Variants in SOX10 observed in about 807,000 individuals in gnomAD.
SOX10 encodes the protein transcription factor SOX-10.
A neutral mutation model predicts 35.0 loss-of-function variants in SOX10; 3 were observed. The observed-to-expected ratio is 0.09, with a 90% confidence interval of 0.04 to 0.22. SOX10 has a LOEUF of 0.22. Among genes scored for constraint, SOX10 ranks in the 10% least tolerant of loss-of-function variants. The pLI, the probability that SOX10 is intolerant of heterozygous loss-of-function variation, is 1.00. For missense variants in SOX10, 436 were observed against 655.1 expected, an observed-to-expected ratio of 0.67 and a Z score of 3.65; for synonymous variants, 285 against 291.0, an observed-to-expected ratio of 0.98 and a Z score of 0.21.
At chr22:37,975,397 G>T (rs1013103159) in intron 3 of SOX10, among the ~76,000 whole-genome samples, 4 of 152,192 alleles carry the variant, frequency 2.6e-5, no homozygotes, top group African/African-American at 7.2e-5. Context: ...GTGGGGTGGG[G>T]CCTTGAAGGG....
rs1032304514 is a variant in SOX10 at position 37,972,414 on chromosome 22, G to A, written c.*1081C>T. The A allele has an allele frequency of 2.4e-4, 91 of 380,960 alleles. No homozygotes were observed. The highest frequency in any genetic ancestry group is 1.9e-3 in the African/African-American group (88 of 47,296). The allele number at this position is 380,960 out of a possible 1,614,324, so 23.6% of individuals were successfully genotyped here. ...CTACTGAGATAAATAACAGGAGACA[G>A]TAATGAGTTACATGTGGATTTGGGG... is the stretch of plus-strand genomic sequence containing the variant. On this transcript the variant is annotated 3_prime_UTR_variant, in exon 4 of 4. Coordinates refer to ENST00000396884, the MANE Select transcript of SOX10 (RefSeq NM_006941.4).
chr22:37,979,991 C>G (rs1932346145), intron 2 of SOX10, among the ~76,000 whole-genome samples: 1 of 152,082 alleles, frequency 6.6e-6, no homozygotes, highest in African/African-American at 2.4e-5. Context: ...GTGGTCATGC[C>G]AGGCACCTCC....
chr22:37,977,510 T>C (rs1319048431), intron 3 of SOX10, among the ~76,000 whole-genome samples: 3 of 152,062 alleles, frequency 2.0e-5, no homozygotes, highest in East Asian at 2.0e-4. Context: ...TTAGTAGAGA[T>C]GGGATTTCAC....
At position 37,974,144 on chromosome 22, in the gene SOX10, G is replaced by A. The variant is rs74315518; in HGVS notation, c.752C>T (p.Ser251Leu). The A allele has an allele frequency of 8.7e-6, 14 of 1,611,132 alleles. No individual in the cohort carries two copies. Among genetic ancestry groups the A allele is most frequent in the East Asian group, 2.2e-5 (1 of 44,868 alleles). ...GTCCCGCTTCGGGTCTGCCTTGCCC[G>A]ACTGCAGCTCTGTCTTCGGGGTGGT... ...PPTTPKTELQ[S>L]GKADPKRDGR... The change falls in exon 4 of 4, where the codon TCG becomes TTG. Residue 251 changes from serine (S) to leucine (L), a missense_variant. By Grantham distance (145) the Ser-to-Leu change is moderately radical. This residue lies in a region of SOX10 where 285 missense variants were observed against 402.9 expected (regional missense o/e 0.71). Transcript: ENST00000396884. The surrounding 1 kb of genome is among the most constrained non-coding windows in gnomAD (Gnocchi z 5.4).
chr22:37,975,274 C>T (rs1364321389), intron 3 of SOX10, among the ~76,000 whole-genome samples: 1 of 152,148 alleles, frequency 6.6e-6, no homozygotes, highest in Admixed American at 6.5e-5. Flanking sequence ...TCCACATGCA[C>T]CCAGAGTTGG....
Position 37,978,164 on chromosome 22 carries a change from A to G in SOX10, c.429-29T>C. The G allele has an allele frequency of 6.6e-7, 1 of 1,515,950 alleles. No homozygotes were observed. The highest frequency in any genetic ancestry group is 8.8e-7 in the Non-Finnish European group (1 of 1,132,728). The allele number at this position is 1,515,950 out of a possible 1,614,324, so 93.9% of individuals were successfully genotyped here. On this transcript the variant is annotated intron_variant, in intron 2 of 3. Coordinates refer to ENST00000396884, the MANE Select transcript of SOX10 (RefSeq NM_006941.4). This position sits in a 1 kb window ranked among gnomAD's most constrained non-coding sequence, Gnocchi z 5.0. ...GGGTGTGGTGGGAGGCGGAGAGGACAGCAGAGGGGCTGGCGTGAATGCCAG... is the reference window on the plus strand; with the variant it reads ...GGGTGTGGTGGGAGGCGGAGAGGACGGCAGAGGGGCTGGCGTGAATGCCAG...
In SOX10 at chr22:37,980,283, G is replaced by A. The variant is rs1237306398; in HGVS notation, c.429-2148C>T. 1.3e-5 allele frequency among the ~76,000 whole-genome samples: 2 copies of A among 152,116 alleles called. No individual in the cohort carries two copies. Among genetic ancestry groups the A allele is most frequent in the African/African-American group, 4.8e-5 (2 of 41,396 alleles). On this transcript the variant is annotated intron_variant, in intron 2 of 3. Coordinates refer to ENST00000396884, the MANE Select transcript of SOX10 (RefSeq NM_006941.4). The surrounding 1 kb of genome is among the most constrained non-coding windows in gnomAD (Gnocchi z 4.1). ...CACAGAGGAGAGAGCTGCTCCGCCA[G>A]CAGTGGACCCCAACAGAGGGGCTTC...
chr22:37,983,409 A>G lies in SOX10; in HGVS notation c.376T>C (p.Tyr126His), dbSNP rs1012200020. 6.2e-7 allele frequency: 1 copy of G among 1,610,818 alleles called. No individual in the cohort carries two copies. Among genetic ancestry groups the G allele is most frequent in the African/African-American group, 1.3e-5 (1 of 74,888 alleles). The change falls in exon 2 of 4, where the codon TAC becomes CAC. Residue 126 changes from tyrosine (Y) to histidine (H), a missense_variant. Transcript: ENST00000396884. The surrounding 1 kb of genome is among the most constrained non-coding windows in gnomAD (Gnocchi z 9.5). ...AGCTCAGCGTTGTGCAGGTGCGGGT[A>G]CTGGTCCGCGAGCTTCCTGCGCGCT... ...QAARRKLADQ[Y>H]PHLHNAELSK...
At position 37,977,725 on chromosome 22, in the gene SOX10, C is replaced by T. The variant is rs887917157; in HGVS notation, c.697+142G>A. The stretch of plus-strand genomic sequence containing the variant: ...GGCACCGGAACCCCCATGGAGCTCC[C>T]TCTGGGCCCCTGCAGCTCTGCTGGG... On this transcript the variant is annotated intron_variant, in intron 3 of 3. Transcript: ENST00000396884. 7 of 916,004 alleles carry T rather than the reference C, an allele frequency of 7.6e-6. No homozygotes were observed. In the Admixed American group the frequency reaches 1.6e-4, roughly 21 times the overall value. 56.7% of individuals were successfully genotyped at this position (916,004 alleles called of 1,614,324 possible).
rs1258883827 is a variant in SOX10, at chr22:37,973,636, G to A, written c.1260C>T (p.Gly420=). ...CCATATAGGAGAAGGCCGAGTAGAG[G>A]CCAGAGGCCTGGCCCGAGTGGCCAT... ...PYYGHSGQAS[G]LYSAFSYMGP... is the part of the protein sequence containing the mutation. The change falls in exon 4 of 4, where the codon GGC becomes GGT. Residue 420 remains glycine (G), a synonymous_variant. Transcript: ENST00000396884. 1.2e-6 allele frequency: 2 copies of A among 1,613,698 alleles called. No individual in the cohort carries two copies. The highest frequency in any genetic ancestry group is 1.1e-5 in the South Asian group (1 of 91,094).
chr22:37,983,251 C>T lies in SOX10; in HGVS notation c.428+106G>A. On this transcript the variant is annotated intron_variant, in intron 2 of 3. Transcript: ENST00000396884. The surrounding 1 kb of genome is among the most constrained non-coding windows in gnomAD (Gnocchi z 9.5). The stretch of plus-strand genomic sequence containing the variant: ...GTCTTCCAGCCCTATCCAAGGAGGA[C>T]TGCCAGACAGTCCCGCTCTGAGGTG... 1 of 1,322,382 alleles carries T rather than the reference C, an allele frequency of 7.6e-7. No individual in the cohort carries two copies. The highest frequency in any genetic ancestry group is 1.1e-6 in the Non-Finnish European group (1 of 951,194). 81.9% of individuals were successfully genotyped at this position (1,322,382 alleles called of 1,614,324 possible). A position where few individuals can be genotyped will look rare whatever the true frequency, so the allele number is the denominator to read the frequency against.
At position 37,973,514 on chromosome 22, in the gene SOX10, G is replaced by A. The variant is rs777647601; in HGVS notation, c.1382C>T (p.Thr461Met). ...CCCCCTTTAGGGCCGGGACAGTGTC[G>A]TATATACTGGCTGCTCCCAGTGTGT... ...SPTHWEQPVY[T>M]TLSRP is the part of the protein sequence containing the mutation. Residue 461 changes from threonine to methionine, a missense_variant, in exon 4 of 4, where the codon ACG becomes ATG. Coordinates refer to ENST00000396884, the MANE Select transcript of SOX10 (RefSeq NM_006941.4). 5 of 1,607,382 alleles carry A rather than the reference G, an allele frequency of 3.1e-6. No homozygotes were observed. The South Asian group carries it at 3.3e-5, about 11-fold the overall frequency.
rs898581143 is a variant in SOX10, at chr22:37,980,407, G to C, written c.429-2272C>G. On this transcript the variant is annotated intron_variant, in intron 2 of 3. Transcript: ENST00000396884. The surrounding 1 kb of genome is among the most constrained non-coding windows in gnomAD (Gnocchi z 4.1). ...AGCCAGCATCAGCAAGAAAGTGACA[G>C]GGGCCAGAAGAGAGAGAGGATTCCA... Among the ~76,000 whole-genome samples the C allele has an allele frequency of 6.6e-6, 1 of 152,128 alleles. No homozygotes were observed. The highest frequency in any genetic ancestry group is 6.5e-5 in the Admixed American group (1 of 15,270).
At chr22:37,982,442 C>T (rs1456099223) in intron 2 of SOX10, among the ~76,000 whole-genome samples, 1 of 152,176 alleles carries the variant, frequency 6.6e-6, no homozygotes, top group Non-Finnish European at 1.5e-5. Context: ...GGAGGCCTGG[C>T]TGAACCCCAG....
chr22:37,983,777 T>A lies in SOX10; in HGVS notation c.8A>T (p.Glu3Val). Residue 3 changes from glutamate to valine, a missense_variant, in exon 2 of 4, where the codon GAG becomes GTG. By Grantham distance (121) the Glu-to-Val change is moderately radical. Around this residue, in one of 3 missense-constraint regions of SOX10, gnomAD observed 97 missense variants for 95.5 expected, o/e 1.02. Transcript: ENST00000396884. The surrounding 1 kb of genome is among the most constrained non-coding windows in gnomAD (Gnocchi z 9.5). The stretch of plus-strand genomic sequence containing the variant: ...CTCCACCTCCGATAGGTCCTGCTCC[T>A]CCGCCATGTCGCCCCCGGCCGCCGC... The part of the protein sequence containing the change: MA[E>V]EQDLSEVELS... 5 of 1,453,362 alleles carry A rather than the reference T, an allele frequency of 3.4e-6. No individual in the cohort carries two copies. Among genetic ancestry groups the A allele is most frequent in the East Asian group, 3.0e-5 (1 of 33,130 alleles). The allele number at this position is 1,453,362 out of a possible 1,614,324, so 90.0% of individuals were successfully genotyped here.
rs561330803 is a variant in SOX10, at chr22:37,977,487, A to AT, written c.697+379dup. Among the ~76,000 whole-genome samples, 35 of 151,684 alleles carry AT rather than the reference A, an allele frequency of 2.3e-4. No homozygotes were observed. In the South Asian group the frequency reaches 7.1e-3, roughly 31 times the overall value. On this transcript the variant is annotated intron_variant, in intron 3 of 3. Coordinates refer to ENST00000396884, the MANE Select transcript of SOX10 (RefSeq NM_006941.4). ...AGGTGCTCGCCACCACGCCCAGCTA[A>AT]TTTTTTTTATTTTTAGTAGAGATGG...
rs1369448226 is a variant in SOX10, at chr22:37,978,138, G to T, written c.429-3C>A. On this transcript the variant is annotated splice_polypyrimidine_tract_variant and splice_region_variant and intron_variant, in intron 2 of 3. Coordinates refer to ENST00000396884, the MANE Select transcript of SOX10 (RefSeq NM_006941.4). This position sits in a 1 kb window ranked among gnomAD's most constrained non-coding sequence, Gnocchi z 5.0. ...GCTTGTCACTTTCGTTCAGCAGCCT[G>T]GGGTGTGGTGGGAGGCGGAGAGGAC... The T allele has an allele frequency of 1.9e-6, 3 of 1,554,498 alleles. No individual in the cohort carries two copies. Among genetic ancestry groups the T allele is most frequent in the Non-Finnish European group, 1.7e-6 (2 of 1,150,870 alleles).
chr22:37,983,186 G>A lies in SOX10; in HGVS notation c.428+171C>T, dbSNP rs919881766. Among the ~76,000 whole-genome samples the A allele has an allele frequency of 6.6e-6, 1 of 152,218 alleles. No homozygotes were observed. The highest frequency in any genetic ancestry group is 1.5e-5 in the Non-Finnish European group (1 of 68,030). On this transcript the variant is annotated intron_variant, in intron 2 of 3. Transcript: ENST00000396884. This position sits in a 1 kb window ranked among gnomAD's most constrained non-coding sequence, Gnocchi z 9.5. ...AGGCCGCTGGAGTTCCGAGTTCCAG[G>A]GTCCTTGTGATGGAAGGGCGGGCGC... is the stretch of plus-strand genomic sequence containing the variant.
At position 37,983,095 on chromosome 22, in the gene SOX10, C is replaced by A. The variant is rs774325714; in HGVS notation, c.428+262G>T. On this transcript the variant is annotated intron_variant, in intron 2 of 3. Coordinates refer to ENST00000396884, the MANE Select transcript of SOX10 (RefSeq NM_006941.4). The surrounding 1 kb of genome is among the most constrained non-coding windows in gnomAD (Gnocchi z 9.5). ...CAAAGCCCCAGGCCCCACGGTCTGC[C>A]ACCCGCAAAATTCCAACCACGAGGG... 6.6e-5 allele frequency among the ~76,000 whole-genome samples: 10 copies of A among 152,238 alleles called. No individual in the cohort carries two copies. Among genetic ancestry groups the A allele is most frequent in the Non-Finnish European group, 1.3e-4 (9 of 68,038 alleles).
Sources: gnomAD v4.1 joint callset for allele counts (sites outside exome capture counted in the v4.1 genomes callset) on GRCh38, gnomAD v4.1.1 for gene constraint, gnomAD v4.1.1 regional missense constraint, Gnocchi (gnomAD v3.1) non-coding constraint, MANE v1.5 for transcripts, NCBI Gene and HGNC (gene_info 2026-07-23, HGNC 2026-07-21) for gene names.